Variants in SLC35F3 observed in about 807,000 individuals in gnomAD.
SLC35F3 encodes putative thiamine transporter SLC35F3.
SLC35F3 carries 25 observed loss-of-function variants against 49.9 expected under a neutral mutation model. The ratio of observed to expected loss-of-function variants is 0.50; its 90% confidence interval spans 0.37 to 0.70. The LOEUF (loss-of-function observed/expected upper bound fraction) is 0.70. SLC35F3 is among the 30% of genes least tolerant of loss of function. SLC35F3 has a pLI of 0.00. For synonymous variants in SLC35F3, 275 were observed against 265.4 expected, an observed-to-expected ratio of 1.04 and a Z score of -0.35; for missense variants, 525 against 639.8, an observed-to-expected ratio of 0.82 and a Z score of 1.94.
chr1:234,055,980 A>G (rs966689639), intron 2 of SLC35F3, among the ~76,000 whole-genome samples: 10 of 152,154 alleles, frequency 6.6e-5, no homozygotes, highest in African/African-American at 2.4e-4. Context: ...TCTTGGATTT[A>G]CCATATTGAC....
intron 3 of SLC35F3, among the ~76,000 whole-genome samples, chr1:234,252,410 G>A (rs1425740097): frequency 2.0e-5 from 3 of 151,706 alleles, no homozygotes; most frequent in African/African-American, 7.3e-5. Context: ...ACTACTGCTT[G>A]GCAAAAAATA....
intron 3 of SLC35F3, among the ~76,000 whole-genome samples, chr1:234,302,767 C>T (rs1668712946): frequency 6.6e-6 from 1 of 152,156 alleles, no homozygotes; most frequent in Non-Finnish European, 1.5e-5. Flanking sequence ...GGGCTTCTCT[C>T]TCTCTCTGTG....
intron 2 of SLC35F3, among the ~76,000 whole-genome samples, chr1:233,912,370 C>T (rs985254759): frequency 6.6e-6 from 1 of 151,946 alleles, no homozygotes; most frequent in Admixed American, 6.6e-5. Context: ...CCCAGCTTCT[C>T]GGGAGGCTGA....
intron 2 of SLC35F3, among the ~76,000 whole-genome samples, chr1:233,990,074 G>A (rs948107222): frequency 6.6e-6 from 1 of 152,110 alleles, no homozygotes; most frequent in East Asian, 1.9e-4. Context: ...ATAATGATGT[G>A]TTATTCATAA....
At chr1:233,913,978 AG>A (rs2102783858) in intron 2 of SLC35F3, among the ~76,000 whole-genome samples, 2 of 152,328 alleles carry the variant, frequency 1.3e-5, no homozygotes, top group South Asian at 4.1e-4. Flanking sequence ...TTAAAGGATT[AG>A]GGGAGGAGGA....
At chr1:234,133,363 G>A (rs986163990) in intron 2 of SLC35F3, among the ~76,000 whole-genome samples, 12 of 152,166 alleles carry the variant, frequency 7.9e-5, no homozygotes, top group East Asian at 3.9e-4. Context: ...TCTTTGATTC[G>A]TATTTAAAGG....
At chr1:234,011,322 C>T (rs948571037) in intron 2 of SLC35F3, among the ~76,000 whole-genome samples, 1 of 152,170 alleles carries the variant, frequency 6.6e-6, no homozygotes, top group African/African-American at 2.4e-5. Context: ...ACAGATATGA[C>T]AGGATTGCAG....
At chr1:234,127,587 G>T (rs1460276159) in intron 2 of SLC35F3, among the ~76,000 whole-genome samples, 1 of 152,144 alleles carries the variant, frequency 6.6e-6, no homozygotes, top group Non-Finnish European at 1.5e-5. Context: ...AATAGAAATT[G>T]TAGAACAAGG....
chr1:234,026,651 G>A (rs1663983641), intron 2 of SLC35F3, among the ~76,000 whole-genome samples: 1 of 152,160 alleles, frequency 6.6e-6, no homozygotes, highest in African/African-American at 2.4e-5. Context: ...GGGAGGCTAA[G>A]GTGAGAGGAT....
chr1:233,968,014 G>A lies in SLC35F3; in HGVS notation c.283+62256G>A, dbSNP rs902432993. On this transcript the variant is annotated intron_variant, in intron 2 of 7. Transcript: ENST00000366618. ...ACTGGATGGCTGAAAATAATAAACC[G>A]TGTTGTCTCATGTATTTGGAGGCTA... 6.6e-5 allele frequency among the ~76,000 whole-genome samples: 10 copies of A among 152,262 alleles called. 1 individual carries two copies. Among genetic ancestry groups the A allele is most frequent in the Admixed American group, 2.6e-4 (4 of 15,284 alleles).
chr1:234,077,570 A>T (rs1175437033), intron 2 of SLC35F3, among the ~76,000 whole-genome samples: 1 of 152,164 alleles, frequency 6.6e-6, no homozygotes, highest in Non-Finnish European at 1.5e-5. Flanking sequence ...GATTATGGGG[A>T]TTACAATTCA....
intron 3 of SLC35F3, among the ~76,000 whole-genome samples, chr1:234,287,699 C>A (rs1668444690): frequency 6.6e-6 from 1 of 152,168 alleles, no homozygotes; most frequent in South Asian, 2.1e-4. Context: ...AGGATTTAAA[C>A]CCAGGCAATC....
intron 3 of SLC35F3, among the ~76,000 whole-genome samples, chr1:234,306,781 C>T (rs1657201393): frequency 6.6e-6 from 1 of 152,186 alleles, no homozygotes; most frequent in African/African-American, 2.4e-5. Flanking sequence ...ATCCCATCTA[C>T]AATGATCAGG....
chr1:234,117,590 TAAAA>T (rs34058556), intron 2 of SLC35F3, among the ~76,000 whole-genome samples: 6 of 135,966 alleles, frequency 4.4e-5, no homozygotes, highest in Non-Finnish European at 4.7e-5. Flanking sequence ...AGACCCTGTC[TAAAA>T]AAAAAAAACA....
chr1:233,940,198 G>GCA (rs552226815), intron 2 of SLC35F3, among the ~76,000 whole-genome samples: 3 of 151,960 alleles, frequency 2.0e-5, no homozygotes, highest in Non-Finnish European at 4.4e-5. Context: ...TATTATGTAT[G>GCA]CACACACACA....
At chr1:234,173,301 C>T (rs1414204867) in intron 2 of SLC35F3, among the ~76,000 whole-genome samples, 2 of 152,210 alleles carry the variant, frequency 1.3e-5, no homozygotes, top group African/African-American at 2.4e-5. Flanking sequence ...GGTACATTAA[C>T]TCATTTAGTC....
At chr1:233,923,209 A>G (rs894245190) in intron 2 of SLC35F3, among the ~76,000 whole-genome samples, 3 of 152,154 alleles carry the variant, frequency 2.0e-5, no homozygotes, top group Non-Finnish European at 2.9e-5. Flanking sequence ...CTTGATGGGT[A>G]TGGCATTGAA....
chr1:234,233,249 TC>T (rs554995280), intron 3 of SLC35F3, among the ~76,000 whole-genome samples: 59 of 152,326 alleles, frequency 3.9e-4, no homozygotes, highest in African/African-American at 1.4e-3. Context: ...CAGTTAAGTA[TC>T]CCTAAGTGTA....
chr1:233,986,742 G>A (rs1663271893), intron 2 of SLC35F3, among the ~76,000 whole-genome samples: 1 of 152,012 alleles, frequency 6.6e-6, no homozygotes, highest in South Asian at 2.1e-4. Flanking sequence ...CCCCTTGATG[G>A]GTTCAACCAT....
Sources: gnomAD v4.1 joint callset for allele counts (sites outside exome capture counted in the v4.1 genomes callset) on GRCh38, gnomAD v4.1.1 for gene constraint, MANE v1.5 for transcripts, NCBI Gene and HGNC (gene_info 2026-07-23, HGNC 2026-07-21) for gene names.